Variants in CFAP20DC observed in about 807,000 individuals in gnomAD.
CFAP20DC encodes the protein protein CFAP20DC.
CFAP20DC carries 84 observed loss-of-function variants against 101.7 expected under a neutral mutation model. The ratio of observed to expected loss-of-function variants is 0.83; its 90% CI spans 0.69 to 0.99. CFAP20DC has a LOEUF of 0.99. CFAP20DC is among the 50% of genes least tolerant of loss of function. CFAP20DC has a pLI of 0.00. For synonymous variants in CFAP20DC, 359 were observed against 351.2 expected, an observed-to-expected ratio of 1.02 and a Z score of -0.25; for missense variants, 1,007 against 970.3, an observed-to-expected ratio of 1.04 and a Z score of -0.50.
intron 4 of CFAP20DC, among the ~76,000 whole-genome samples, chr3:59,037,809 A>G (rs1331862080): frequency 1.3e-5 from 2 of 152,334 alleles, no homozygotes; most frequent in African/African-American, 2.4e-5. Context: ...TCATTCCACT[A>G]TAAAGACACA....
At chr3:59,008,431 T>C (rs2093491877) in intron 4 of CFAP20DC, among the ~76,000 whole-genome samples, 1 of 152,160 alleles carries the variant, frequency 6.6e-6, no homozygotes, top group South Asian at 2.1e-4. Context: ...CCACAACTGG[T>C]GCCTACCCAG....
chr3:59,026,273 A>C (rs1478360226), intron 4 of CFAP20DC, among the ~76,000 whole-genome samples: 1 of 152,176 alleles, frequency 6.6e-6, no homozygotes, highest in Non-Finnish European at 1.5e-5. Context: ...ACTTTAGTGT[A>C]CAATACTTCT....
chr3:58,984,803 A>G (rs1298961910), intron 4 of CFAP20DC, among the ~76,000 whole-genome samples: 1 of 152,152 alleles, frequency 6.6e-6, no homozygotes, highest in Non-Finnish European at 1.5e-5. Flanking sequence ...AACTTCTCTG[A>G]GGCTTTCTCA....
rs914233119 is a variant in CFAP20DC at position 59,026,115 on chromosome 3, G to A, written c.278+13442C>T. Among the ~76,000 whole-genome samples the A allele has an allele frequency of 6.6e-5, 10 of 152,090 alleles. No homozygotes were observed. The East Asian group carries it at 7.7e-4, about 12-fold the overall frequency. On this transcript the variant is annotated intron_variant, in intron 4 of 16. Transcript: ENST00000482387. Reference sequence around the variant, plus strand: ...CTTAAAGTGCTCTCTTCACTAATGCGTGTAACAAAATATACTGATTATGCA... The same window carrying A: ...CTTAAAGTGCTCTCTTCACTAATGCATGTAACAAAATATACTGATTATGCA...
intron 6 of CFAP20DC, chr3:58,887,231 T>G (rs776646934): frequency 2.6e-5 from 4 of 152,226 alleles, no homozygotes; most frequent in Non-Finnish European, 5.9e-5. Flanking sequence ...AAAATCTATA[T>G]AAAGTAACTG....
chr3:58,764,610 C>T (rs1015673213), intron 15 of CFAP20DC, among the ~76,000 whole-genome samples: 2 of 152,168 alleles, frequency 1.3e-5, no homozygotes, highest in South Asian at 2.1e-4. Context: ...TCTTCTGCAT[C>T]GCTCACACTG....
chr3:58,967,751 T>A lies in CFAP20DC; in HGVS notation c.279-29989A>T, dbSNP rs146408143. Among the ~76,000 whole-genome samples, 38 of 152,324 alleles carry A rather than the reference T, an allele frequency of 2.5e-4. No homozygotes were observed. In the Middle Eastern group the frequency reaches 0.01, roughly 41 times the overall value. ...AGGTTTAGGGGTACATGTGAAGGTT[T>A]GTTACATAGGTAAACTCATGTCATG... On this transcript the variant is annotated intron_variant, in intron 4 of 16. Transcript: ENST00000482387.
At chr3:58,924,794 C>G (rs977422747) in intron 5 of CFAP20DC, among the ~76,000 whole-genome samples, 1 of 151,906 alleles carries the variant, frequency 6.6e-6, no homozygotes, top group African/African-American at 2.4e-5. Flanking sequence ...TGGTATTTCA[C>G]TGTGGTTTTA....
intron 15 of CFAP20DC, among the ~76,000 whole-genome samples, chr3:58,769,180 G>A (rs139440163): frequency 1.3e-5 from 2 of 152,324 alleles, no homozygotes; most frequent in East Asian, 3.9e-4. Flanking sequence ...CAGGGAGGGA[G>A]ATGGGGAAGA....
intron 12 of CFAP20DC, among the ~76,000 whole-genome samples, chr3:58,853,003 A>T (rs1182610165): frequency 6.6e-6 from 1 of 152,236 alleles, no homozygotes. Flanking sequence ...ACTCAAGGAA[A>T]TAGAAACACA....
intron 14 of CFAP20DC, among the ~76,000 whole-genome samples, chr3:58,813,659 TA>T (rs2074861950): frequency 6.6e-6 from 1 of 151,906 alleles, no homozygotes; most frequent in African/African-American, 2.4e-5. Context: ...TTCTTCAGAG[TA>T]AACTGTCTTC....
In CFAP20DC at chr3:58,717,860, G is replaced by A. The variant is rs1372195175; in HGVS notation, c.198-232C>T. Among the ~76,000 whole-genome samples, 1 of 152,114 alleles carries A rather than the reference G, an allele frequency of 6.6e-6. No homozygotes were observed. Among genetic ancestry groups the A allele is most frequent in the African/African-American group, 2.4e-5 (1 of 41,416 alleles). On this transcript the variant is annotated intron_variant, in intron 3 of 3. Transcript: ENST00000486145. The surrounding 1 kb of genome is among the most constrained non-coding windows in gnomAD (Gnocchi z 4.1). ...TGGGTATACTGCAGCCCAAACCAGA[G>A]TTGCATTAGGAAGATGAAGGGAAGG...
At chr3:58,825,715 T>C (rs1231131242) in intron 14 of CFAP20DC, among the ~76,000 whole-genome samples, 5 of 152,150 alleles carry the variant, frequency 3.3e-5, no homozygotes, top group Non-Finnish European at 7.4e-5. Context: ...CTCTCCAAAA[T>C]TGATTGATTG....
intron 4 of CFAP20DC, among the ~76,000 whole-genome samples, chr3:58,998,423 C>T (rs2093205687): frequency 6.6e-6 from 1 of 152,142 alleles, no homozygotes; most frequent in Admixed American, 6.6e-5. Flanking sequence ...ATATGACACC[C>T]ACCCATACAG....
rs536438647 is a variant in CFAP20DC, at chr3:58,912,846, T to C, written c.550+862A>G. On this transcript the variant is annotated intron_variant, in intron 6 of 16. Transcript: ENST00000482387. The surrounding 1 kb of genome is among the most constrained non-coding windows in gnomAD (Gnocchi z 4.4). ...CTCAACTCTTTCCATTTTAACTTGATCACTAGAAAATTAATATGATTTCTC... is the reference window on the plus strand; with the variant it reads ...CTCAACTCTTTCCATTTTAACTTGACCACTAGAAAATTAATATGATTTCTC... 1 of 420,678 alleles carries C rather than the reference T, an allele frequency of 2.4e-6. No homozygotes were observed. The highest frequency in any genetic ancestry group is 2.1e-5 in the African/African-American group (1 of 48,432). The allele number at this position is 420,678 out of a possible 1,614,324, so 26.1% of individuals were successfully genotyped here.
chr3:58,816,533 C>T lies in CFAP20DC; in HGVS notation c.2176-10077G>A, dbSNP rs551602946. 2.9e-3 allele frequency among the ~76,000 whole-genome samples: 446 copies of T among 152,230 alleles called. 5 individuals are homozygous for T. The highest frequency in any genetic ancestry group is 0.01 in the African/African-American group (421 of 41,560). Reference sequence around the variant, plus strand: ...CCGAGTCAAAGAAAGGGGTGACGGACGCATCTGGAAAATCGGGTGACTCCC... The same window carrying T: ...CCGAGTCAAAGAAAGGGGTGACGGATGCATCTGGAAAATCGGGTGACTCCC... On this transcript the variant is annotated intron_variant, in intron 14 of 16. Transcript: ENST00000482387.
chr3:58,965,904 T>C (rs2108292202), intron 4 of CFAP20DC, among the ~76,000 whole-genome samples: 1 of 152,364 alleles, frequency 6.6e-6, no homozygotes, highest in Non-Finnish European at 1.5e-5. Context: ...TGTTATTGTA[T>C]GCCTGTGAAA....
chr3:58,895,371 C>T (rs990086488), intron 6 of CFAP20DC, among the ~76,000 whole-genome samples: 1 of 152,182 alleles, frequency 6.6e-6, no homozygotes, highest in African/African-American at 2.4e-5. Context: ...CCACCAGATA[C>T]CCTAAATCAT....
chr3:59,008,292 T>C (rs2093487598), intron 4 of CFAP20DC, among the ~76,000 whole-genome samples: 1 of 152,152 alleles, frequency 6.6e-6, no homozygotes, highest in Non-Finnish European at 1.5e-5. Flanking sequence ...CCTGGTGACC[T>C]GGCATGGGAG....
Sources: gnomAD v4.1 joint callset for allele counts (sites outside exome capture counted in the v4.1 genomes callset) on GRCh38, gnomAD v4.1.1 for gene constraint, Gnocchi (gnomAD v3.1) non-coding constraint, MANE v1.5 for transcripts, NCBI Gene and HGNC (gene_info 2026-07-23, HGNC 2026-07-21) for gene names.